The following NTM variants were observed in gnomAD, a reference collection of about 807,000 sequenced individuals.
NTM encodes neurotrimin.
Under a neutral mutation model 42.1 loss-of-function variants are expected in NTM, and 13 were observed. The observed-to-expected ratio is 0.31, with a 90% CI of 0.20 to 0.49. The LOEUF (loss-of-function observed/expected upper bound fraction) is 0.49, where lower values mean the gene tolerates loss of function less well. NTM is among the 20% of genes least tolerant of loss of function. The probability of loss-of-function intolerance (pLI) is 0.99; values close to 1 mark genes in which losing one functional copy is unlikely to be tolerated. For missense variants in NTM, 373 were observed against 452.8 expected (o/e 0.82, Z 1.60); for synonymous variants, 187 against 179.2 (o/e 1.04, Z -0.35).
intron 3 of NTM, among the ~76,000 whole-genome samples, chr11:132,208,832 G>T (rs1592232804): frequency 6.6e-6 from 1 of 152,230 alleles, no homozygotes; most frequent in Non-Finnish European, 1.5e-5. Flanking sequence ...TTATTGCATG[G>T]CATTGGCGTG....
intron 2 of NTM, among the ~76,000 whole-genome samples, chr11:131,948,246 TC>T (rs1450892891): frequency 6.6e-6 from 1 of 151,558 alleles, no homozygotes; most frequent in Non-Finnish European, 1.5e-5. Flanking sequence ...GTGCCTGTAG[TC>T]CCCGCTACTT....
intron 2 of NTM, among the ~76,000 whole-genome samples, chr11:131,912,808 C>T (rs192778468): frequency 6.6e-6 from 1 of 152,200 alleles, no homozygotes; most frequent in Non-Finnish European, 1.5e-5. Context: ...CTGATGACTT[C>T]TTCTAGGATT....
intron 2 of NTM, among the ~76,000 whole-genome samples, chr11:132,032,658 TATA>T (rs1427575860): frequency 6.6e-6 from 1 of 152,178 alleles, no homozygotes; most frequent in African/African-American, 2.4e-5. Context: ...TGAATTGTCT[TATA>T]ATGCTCTAGA....
chr11:132,314,836 A>G, intron 7 of NTM, 133 bp downstream of exon 7: 1 of 1,398,326 alleles, frequency 7.2e-7, no homozygotes, highest in East Asian at 2.6e-5. Flanking sequence ...AGGAAAAAAA[A>G]GAGAGAGACA....
chr11:131,765,086 C>T (rs1329414602), intron 1 of NTM, among the ~76,000 whole-genome samples: 3 of 152,162 alleles, frequency 2.0e-5, no homozygotes, highest in African/African-American at 7.2e-5. Context: ...TGCAGGCGCA[C>T]ATCCTGAAAG....
intron 1 of NTM, among the ~76,000 whole-genome samples, chr11:131,467,358 G>T (rs1196978447): frequency 1.3e-5 from 2 of 152,128 alleles, no homozygotes; most frequent in Non-Finnish European, 2.9e-5. Flanking sequence ...CTCATCAGTA[G>T]TGGTCAGGAG....
At chr11:132,090,822 T>A (rs1283614771) in intron 2 of NTM, among the ~76,000 whole-genome samples, 1 of 152,114 alleles carries the variant, frequency 6.6e-6, no homozygotes, top group Non-Finnish European at 1.5e-5. Context: ...CCAGAAAAAA[T>A]TCACATCTTA....
At chr11:131,730,719 T>TAAAAAAAAAAAAAAA (rs2079541594) in intron 1 of NTM, among the ~76,000 whole-genome samples, 4 of 108,880 alleles carry the variant, frequency 3.7e-5, no homozygotes, top group African/African-American at 6.8e-5. Context: ...CCCTATCTGT[T>TAAAAAAAAAAAAAAA]AAAAGAAGAA....
At chr11:131,867,562 GTGTGTGTCTGCC>G (rs1158313317) in intron 1 of NTM, among the ~76,000 whole-genome samples, 1 of 152,060 alleles carries the variant, frequency 6.6e-6, no homozygotes, top group Non-Finnish European at 1.5e-5. Flanking sequence ...TTGGGTGTCT[GTGTGTGTCTGCC>G]TGTGTGTATG....
chr11:131,864,059 G>A (rs1205442147), intron 1 of NTM, among the ~76,000 whole-genome samples: 24 of 152,126 alleles, frequency 1.6e-4, no homozygotes, highest in Admixed American at 1.6e-3. Context: ...GGTCAGGGAG[G>A]AAAGGAGGGA....
intron 4 of NTM, among the ~76,000 whole-genome samples, chr11:132,258,517 G>A (rs1279219202): frequency 6.6e-6 from 1 of 151,980 alleles, no homozygotes; most frequent in African/African-American, 2.4e-5. Context: ...TCAAAACTAG[G>A]GAAGTCCAGG....
chr11:132,129,142 A>G (rs2066379120), intron 2 of NTM, among the ~76,000 whole-genome samples: 2 of 151,974 alleles, frequency 1.3e-5, no homozygotes, highest in African/African-American at 4.8e-5. Context: ...TAGGGTGGAT[A>G]GGGTGGGGTC....
chr11:131,580,926 A>G (rs73580285), intron 1 of NTM, among the ~76,000 whole-genome samples: 7,929 of 152,222 alleles, frequency 0.052, 687 homozygotes, highest in African/African-American at 0.18. Flanking sequence ...TGGAAGTCAC[A>G]GTGGCCACCA....
chr11:131,879,800 C>G (rs10791180), intron 1 of NTM, among the ~76,000 whole-genome samples: 75,309 of 151,960 alleles, frequency 0.5, 19,119 homozygotes, highest in East Asian at 0.82. Flanking sequence ...ATAGTTGTCC[C>G]AAATTCCTTT....
At chr11:132,283,622 C>T (rs10894529) in intron 4 of NTM, among the ~76,000 whole-genome samples, 1 of 151,998 alleles carries the variant, frequency 6.6e-6, no homozygotes, top group Non-Finnish European at 1.5e-5. Context: ...TGGTTATATT[C>T]CTAAATGATG....
At chr11:132,275,714 G>GTA (rs1350480573) in intron 4 of NTM, among the ~76,000 whole-genome samples, 1 of 130,200 alleles carries the variant, frequency 7.7e-6, no homozygotes, top group African/African-American at 3.0e-5. Flanking sequence ...ATATATATAT[G>GTA]TATATATATA....
intron 2 of NTM, among the ~76,000 whole-genome samples, chr11:132,021,995 G>A (rs2074416495): frequency 6.6e-6 from 1 of 152,138 alleles, no homozygotes; most frequent in Non-Finnish European, 1.5e-5. Flanking sequence ...CAGAACCTGG[G>A]GTAGTCATTG....
intron 1 of NTM, chr11:131,661,125 T>C (rs2067997516): frequency 1.2e-5 from 12 of 996,980 alleles, no homozygotes; most frequent in Non-Finnish European, 1.7e-5. Flanking sequence ...TGGAGATTCC[T>C]TTCCTCAGGA....
chr11:132,180,366 T>G (rs2077386165), intron 3 of NTM, among the ~76,000 whole-genome samples: 1 of 152,060 alleles, frequency 6.6e-6, no homozygotes, highest in Admixed American at 6.6e-5. Flanking sequence ...GATGGATTAT[T>G]ATTAAAGGCA....
Sources: allele counts gnomAD v4.1 joint callset (sites outside exome capture counted in the v4.1 genomes callset), GRCh38; gene constraint gnomAD v4.1.1; transcripts MANE v1.5; gene names NCBI Gene and HGNC (gene_info 2026-07-23, HGNC 2026-07-21).